ACOXL: variants seen among roughly 807,000 people sequenced by gnomAD.
ACOXL encodes the protein acyl-coenzyme A oxidase-like protein.
ACOXL carries 70 observed loss-of-function variants against 71.9 expected under a neutral mutation model. The ratio of observed to expected loss-of-function variants is 0.97; its 90% CI spans 0.80 to 1.19. ACOXL has a LOEUF of 1.19. Among genes scored for constraint, ACOXL ranks in the 50% most tolerant of loss-of-function variants. The pLI, the probability that ACOXL is intolerant of heterozygous loss-of-function variation, is 0.00. For missense variants in ACOXL, 703 were observed against 736.3 expected, an observed-to-expected ratio of 0.95 and a Z score of 0.52; for synonymous variants, 253 against 281.6, an observed-to-expected ratio of 0.90 and a Z score of 1.02.
intron 16 of ACOXL, among the ~76,000 whole-genome samples, chr2:111,055,409 A>G (rs1479969511): frequency 6.6e-6 from 1 of 152,192 alleles, no homozygotes; most frequent in Non-Finnish European, 1.5e-5. Context: ...TAGTTTAAGC[A>G]CCAAACCTAG....
chr2:110,775,020 T>A (rs761164547), intron 2 of ACOXL, among the ~76,000 whole-genome samples: 2 of 152,182 alleles, frequency 1.3e-5, no homozygotes, highest in Non-Finnish European at 2.9e-5. Context: ...AAACCTCACA[T>A]AGGTGGTCAA....
chr2:111,007,904 C>G (rs545026245), intron 14 of ACOXL, among the ~76,000 whole-genome samples: 17 of 152,352 alleles, frequency 1.1e-4, no homozygotes, highest in South Asian at 6.2e-4. Context: ...AGCCTGCCCT[C>G]TTTCCTATTT....
chr2:110,896,794 A>G (rs1045637175), intron 10 of ACOXL, among the ~76,000 whole-genome samples: 2 of 152,206 alleles, frequency 1.3e-5, no homozygotes, highest in African/African-American at 4.8e-5. Context: ...GGAGACTTCA[A>G]CAGTCCTTTC....
intron 17 of ACOXL, among the ~76,000 whole-genome samples, chr2:111,117,386 C>T (rs958267982): frequency 2.0e-5 from 3 of 152,194 alleles, no homozygotes; most frequent in Non-Finnish European, 4.4e-5. Context: ...CACCCCCTTA[C>T]GGGAAAAGCC....
chr2:110,743,418 A>G (rs1253791909), intron 1 of ACOXL, among the ~76,000 whole-genome samples: 1 of 152,160 alleles, frequency 6.6e-6, no homozygotes, highest in African/African-American at 2.4e-5. Context: ...ATTTTTTTCT[A>G]GAATATGTTC....
chr2:110,757,791 A>G (rs937704433), intron 1 of ACOXL, among the ~76,000 whole-genome samples: 1 of 151,438 alleles, frequency 6.6e-6, no homozygotes, highest in African/African-American at 2.4e-5. Flanking sequence ...GACTCTGGAT[A>G]TTAGACTTTC....
At chr2:110,944,358 T>C (rs1339156700) in intron 12 of ACOXL, among the ~76,000 whole-genome samples, 1 of 152,056 alleles carries the variant, frequency 6.6e-6, no homozygotes, top group African/African-American at 2.4e-5. Context: ...TTTTTTTTTT[T>C]AAACTTTTAT....
chr2:110,991,293 CCTTT>C (rs2063162177), intron 13 of ACOXL, among the ~76,000 whole-genome samples: 2 of 152,056 alleles, frequency 1.3e-5, no homozygotes, highest in Non-Finnish European at 1.5e-5. Context: ...TATGCTTTCT[CCTTT>C]CTTTGTTGTT....
chr2:110,893,678 C>T (rs776533982), intron 10 of ACOXL, among the ~76,000 whole-genome samples: 11 of 151,998 alleles, frequency 7.2e-5, no homozygotes, highest in South Asian at 2.1e-4. Flanking sequence ...TTGCATACAA[C>T]GGAATATTAG....
chr2:110,839,134 T>G (rs1275598071), intron 9 of ACOXL, among the ~76,000 whole-genome samples: 1 of 149,140 alleles, frequency 6.7e-6, no homozygotes, highest in Admixed American at 6.6e-5. Flanking sequence ...TTTTCTGTGT[T>G]TTTTTTTTTT....
intron 10 of ACOXL, among the ~76,000 whole-genome samples, chr2:110,863,910 CAT>C (rs1377575615): frequency 6.6e-6 from 1 of 152,160 alleles, no homozygotes; most frequent in Non-Finnish European, 1.5e-5. Flanking sequence ...TTTCACAACT[CAT>C]GTGACTTGTG....
chr2:110,941,522 G>C (rs1186815068), intron 12 of ACOXL, among the ~76,000 whole-genome samples: 1 of 152,124 alleles, frequency 6.6e-6, no homozygotes, highest in Non-Finnish European at 1.5e-5. Flanking sequence ...TGTTAGAAGG[G>C]AAGTTTTGCT....
Position 110,917,059 on chromosome 2 carries a change from AGG to A in ACOXL, c.905+8155_905+8156del, listed in dbSNP as rs763962848. On this transcript the variant is annotated intron_variant, in intron 11 of 17. Transcript: ENST00000439055. Reference sequence around the variant, plus strand: ...GGAATCCTCCCTAACTCATTTTATGAGGCCAGCATCATCCTGATACCAAAACT... The same window carrying A: ...GGAATCCTCCCTAACTCATTTTATGACCAGCATCATCCTGATACCAAAACT... Among the ~76,000 whole-genome samples, 4 of 152,346 alleles carry A rather than the reference AGG, an allele frequency of 2.6e-5. No homozygotes were observed. In the East Asian group the frequency reaches 5.8e-4, roughly 22 times the overall value.
At chr2:110,934,232 G>A (rs1455640616) in intron 12 of ACOXL, among the ~76,000 whole-genome samples, 3 of 152,194 alleles carry the variant, frequency 2.0e-5, no homozygotes, top group East Asian at 1.9e-4. Context: ...ACACCCATGC[G>A]GGGGTCCAGA....
chr2:110,917,809 T>C (rs1429781168), intron 11 of ACOXL, among the ~76,000 whole-genome samples: 1 of 152,112 alleles, frequency 6.6e-6, no homozygotes, highest in Admixed American at 6.6e-5. Flanking sequence ...TCAAAATTGC[T>C]ACAAAGAGAA....
intron 12 of ACOXL, among the ~76,000 whole-genome samples, chr2:110,948,086 T>C (rs2061177716): frequency 6.6e-6 from 1 of 152,120 alleles, no homozygotes; most frequent in Admixed American, 6.5e-5. Context: ...CGTTCCAGAA[T>C]TTCACAAAGA....
intron 12 of ACOXL, among the ~76,000 whole-genome samples, chr2:110,985,497 CAAAGT>C (rs947249268): frequency 1.8e-4 from 28 of 152,136 alleles, no homozygotes; most frequent in African/African-American, 4.3e-4. Context: ...TATTTAATAA[CAAAGT>C]AAACATGATC....
intron 16 of ACOXL, among the ~76,000 whole-genome samples, chr2:111,082,045 A>G (rs1049603440): frequency 2.0e-5 from 3 of 152,178 alleles, no homozygotes; most frequent in Non-Finnish European, 4.4e-5. Flanking sequence ...ACTTAAATGT[A>G]AGACCTAAAA....
chr2:110,781,888 A>G (rs1220515700), intron 2 of ACOXL, among the ~76,000 whole-genome samples: 1 of 152,196 alleles, frequency 6.6e-6, no homozygotes, highest in Admixed American at 6.5e-5. Context: ...CTCTGTGAAA[A>G]CATACATTTT....
Sources: allele counts gnomAD v4.1 joint callset (sites outside exome capture counted in the v4.1 genomes callset), GRCh38; gene constraint gnomAD v4.1.1; transcripts MANE v1.5; gene names NCBI Gene and HGNC (gene_info 2026-07-23, HGNC 2026-07-21).